NAV3: variants seen among roughly 807,000 people sequenced by gnomAD.
NAV3 encodes pore membrane and/or filament interacting like protein 1.
A neutral mutation model predicts 244.7 loss-of-function variants in NAV3; 87 were observed. The ratio of observed to expected loss-of-function variants is 0.36; its 90% CI spans 0.30 to 0.42. The LOEUF is 0.42. NAV3 is among the 20% of genes least tolerant of loss of function. The probability of loss-of-function intolerance (pLI) is 1.00; values close to 1 mark genes in which losing one functional copy is unlikely to be tolerated. For missense variants in NAV3, 2,663 were observed against 2,893.3 expected, an observed-to-expected ratio of 0.92 and a Z score of 1.83; for synonymous variants, 1,126 against 1,042.2, an observed-to-expected ratio of 1.08 and a Z score of -1.55.
At chr12:77,817,914 A>G (rs1413831064) in intron 2 of NAV3, among the ~76,000 whole-genome samples, 1 of 152,180 alleles carries the variant, frequency 6.6e-6, no homozygotes, top group African/African-American at 2.4e-5. Context: ...CTCTAACAAC[A>G]TGAAGGAAAA....
chr12:77,809,488 C>T (rs1370834897), intron 2 of NAV3, among the ~76,000 whole-genome samples: 1 of 152,204 alleles, frequency 6.6e-6, no homozygotes, highest in African/African-American at 2.4e-5. Flanking sequence ...GGTTCGCCCT[C>T]CATGGGCTGT....
intron 12 of NAV3, among the ~76,000 whole-genome samples, chr12:78,093,067 A>G (rs1365833123): frequency 2.6e-5 from 4 of 152,166 alleles, no homozygotes; most frequent in African/African-American, 7.2e-5. Context: ...TCATCTTTAT[A>G]AGACCTGTAT....
rs555951404 is a variant in NAV3, at chr12:78,012,826, A to G, written c.1907+5381A>G. On this transcript the variant is annotated intron_variant, in intron 8 of 39. Coordinates refer to ENST00000397909, the MANE Select transcript of NAV3 (RefSeq NM_001024383.2). ...TTCTTTTCTTGTTTACTTATTAACT[A>G]GTGTGATTTCAGCCACCTCCTAATG... is the stretch of plus-strand genomic sequence containing the variant. Among the ~76,000 whole-genome samples, 34 of 152,252 alleles carry G rather than the reference A, an allele frequency of 2.2e-4. No individual in the cohort carries two copies. In the South Asian group the frequency reaches 3.1e-3, roughly 14 times the overall value.
chr12:78,060,110 T>C (rs1884111787), intron 12 of NAV3, among the ~76,000 whole-genome samples: 1 of 152,112 alleles, frequency 6.6e-6, no homozygotes, highest in Non-Finnish European at 1.5e-5. Flanking sequence ...CTGATTTTGC[T>C]CCCTCTTCAC....
intron 12 of NAV3, among the ~76,000 whole-genome samples, chr12:78,096,047 G>A (rs438209): frequency 0.18 from 27,780 of 152,064 alleles, 2,526 homozygotes; most frequent in Non-Finnish European, 0.2. Context: ...TTTGACTCAT[G>A]TTAGCCCAAG....
At chr12:77,696,299 T>G (rs1163643989) in intron 2 of NAV3, among the ~76,000 whole-genome samples, 1 of 152,194 alleles carries the variant, frequency 6.6e-6, no homozygotes, top group Non-Finnish European at 1.5e-5. Context: ...GACTTCCGTC[T>G]TGCTAGTAGA....
chr12:78,020,706 T>A (rs1162250172), intron 8 of NAV3, among the ~76,000 whole-genome samples: 1 of 152,184 alleles, frequency 6.6e-6, no homozygotes, highest in Non-Finnish European at 1.5e-5. Flanking sequence ...AACTCAAATT[T>A]AGATTAAAAG....
chr12:78,101,773 A>G (rs1593585128), intron 12 of NAV3, among the ~76,000 whole-genome samples: 2 of 152,174 alleles, frequency 1.3e-5, no homozygotes, highest in African/African-American at 4.8e-5. Context: ...TGTAGGGCTA[A>G]GTGGTTTTGT....
intron 2 of NAV3, among the ~76,000 whole-genome samples, chr12:77,764,745 C>A (rs1374739594): frequency 6.6e-6 from 1 of 152,226 alleles, no homozygotes; most frequent in African/African-American, 2.4e-5. Context: ...GAGATCTATG[C>A]TTGTGAATTA....
intron 24 of NAV3, among the ~76,000 whole-genome samples, chr12:78,172,939 T>C (rs550762597): frequency 2.0e-5 from 3 of 151,748 alleles, no homozygotes; most frequent in South Asian, 4.1e-4. Flanking sequence ...CTATTGTTTA[T>C]AGAATGGTTT....
chr12:78,065,959 A>G (rs1210622295), intron 12 of NAV3, among the ~76,000 whole-genome samples: 7 of 152,164 alleles, frequency 4.6e-5, no homozygotes, highest in Non-Finnish European at 1.0e-4. Context: ...TAGATTTAAC[A>G]TTTATCTCCT....
At chr12:78,177,853 TTTTC>T (rs1405143893) in intron 28 of NAV3, among the ~76,000 whole-genome samples, 168 bp downstream of exon 28, 1 of 152,002 alleles carries the variant, frequency 6.6e-6, no homozygotes, top group Non-Finnish European at 1.5e-5. Context: ...TGCAATCCAG[TTTTC>T]TTTGATTCTA....
At chr12:77,792,902 T>A (rs1036041526) in intron 2 of NAV3, among the ~76,000 whole-genome samples, 1 of 152,180 alleles carries the variant, frequency 6.6e-6, no homozygotes, top group African/African-American at 2.4e-5. Context: ...CTGAAAAGCA[T>A]GTCTCTCAGT....
Position 77,818,403 on chromosome 12 carries a change from T to C in NAV3, c.73-121916T>C, listed in dbSNP as rs1023487498. Among the ~76,000 whole-genome samples the C allele has an allele frequency of 5.3e-5, 8 of 152,308 alleles. No homozygotes were observed. In the South Asian group the frequency reaches 1.4e-3, roughly 28 times the overall value. On this transcript the variant is annotated intron_variant, in intron 2 of 8. Transcript: ENST00000550042. The stretch of plus-strand genomic sequence containing the variant: ...TCTAATGAGCAATTTTAATGTTTAG[T>C]AAGAAACAGGGAAATTGTTTTTATG...
rs1271638583 is a variant in NAV3 at position 78,119,306 on chromosome 12, C to A, written c.3110C>A (p.Ser1037Tyr). 1 of 1,614,076 alleles carries A rather than the reference C, an allele frequency of 6.2e-7. No individual in the cohort carries two copies. The highest frequency in any genetic ancestry group is 8.5e-7 in the Non-Finnish European group (1 of 1,180,040). The change falls in exon 15 of 40, where the codon TCT (serine) becomes TAT (tyrosine). Residue 1037 changes from serine to tyrosine, a missense_variant. By Grantham distance (144) the Ser-to-Tyr change is moderately radical (BLOSUM62 -2). This residue lies in a region of NAV3 where 1,521 missense variants were observed against 1,497.0 expected (regional missense o/e 1.02). Transcript: ENST00000397909. ...CTAAAAGGATCATCTCTACAAAGAT[C>A]TCCTTCAGATGCAGGAAAAAGCAGT... is the stretch of plus-strand genomic sequence containing the variant. ...APLKGSSLQR[S>Y]PSDAGKSSGD...
Position 78,091,790 on chromosome 12 carries a change from C to T in NAV3, c.2637-24982C>T, listed in dbSNP as rs569667060. The T allele has an allele frequency of 2.6e-4, 9 of 34,448 alleles. No homozygotes were observed. The Admixed American group carries it at 2.7e-3, about 10-fold the overall frequency. 2.1% of individuals were successfully genotyped at this position (34,448 alleles called of 1,614,324 possible). A position where few individuals can be genotyped will look rare whatever the true frequency, so the allele number is the denominator to read the frequency against. On this transcript the variant is annotated intron_variant, in intron 12 of 39. Transcript: ENST00000397909. ...CAGCCTGGGCGACAGAGCGAGACTC[C>T]GTCTCAAAAAAAAAAAAAAAAAATT...
intron 24 of NAV3, among the ~76,000 whole-genome samples, chr12:78,170,304 A>T (rs865910779): frequency 6.6e-6 from 1 of 151,714 alleles, no homozygotes; most frequent in African/African-American, 2.4e-5. Context: ...AGTATTCTTC[A>T]TAACTCCTCC....
rs567937664 is a variant in NAV3 at position 78,094,904 on chromosome 12, A to T, written c.2637-21868A>T. Among the ~76,000 whole-genome samples the T allele has an allele frequency of 1.7e-4, 26 of 151,626 alleles. 1 individual carries two copies. Among genetic ancestry groups the T allele is most frequent in the Admixed American group, 1.4e-3 (21 of 15,230 alleles). On this transcript the variant is annotated intron_variant, in intron 12 of 39. Coordinates refer to ENST00000397909, the MANE Select transcript of NAV3 (RefSeq NM_001024383.2). ...TCTACTAAAAATACAAAAATTAGCTAGGTGTGGTGGCACGTGCCTGTAGTC... is the reference window on the plus strand; with the variant it reads ...TCTACTAAAAATACAAAAATTAGCTTGGTGTGGTGGCACGTGCCTGTAGTC...
chr12:78,196,374 G>A (rs1158850641), intron 34 of NAV3, among the ~76,000 whole-genome samples: 3 of 151,978 alleles, frequency 2.0e-5, no homozygotes, highest in African/African-American at 7.2e-5. Context: ...TGCATCTAGA[G>A]TGAGCAATTC....
Sources: allele counts gnomAD v4.1 joint callset (sites outside exome capture counted in the v4.1 genomes callset), GRCh38; gene constraint gnomAD v4.1.1; regional missense constraint gnomAD v4.1.1; transcripts MANE v1.5; gene names NCBI Gene and HGNC (gene_info 2026-07-23, HGNC 2026-07-21).